MGLL: variants seen among roughly 807,000 people sequenced by gnomAD.
MGLL encodes monoglyceride lipase, also known as lysophospholipase homolog.
A neutral mutation model predicts 29.1 loss-of-function variants in MGLL; 7 were observed. The ratio of observed to expected loss-of-function variants is 0.24; its 90% confidence interval spans 0.14 to 0.45. The LOEUF (loss-of-function observed/expected upper bound fraction) is 0.45, where lower values mean the gene tolerates loss of function less well. MGLL is among the 20% of genes least tolerant of loss of function. The pLI is 0.99. For synonymous variants in MGLL, 148 were observed against 168.3 expected (o/e 0.88, Z 0.93); for missense variants, 356 against 413.6 (o/e 0.86, Z 1.21).
At position 127,761,820 on chromosome 3, in the gene MGLL, G is replaced by T. The variant is rs2076770277; in HGVS notation, c.262+19969C>A. The stretch of plus-strand genomic sequence containing the variant: ...TCCAGGCAGAGCTTCATTCTCAAAT[G>T]CCCAGACAAGCACTAAATATGCGTA... On this transcript the variant is annotated intron_variant, in intron 3 of 7. Coordinates refer to ENST00000265052, the MANE Select transcript of MGLL (RefSeq NM_007283.7). The surrounding 1 kb of genome is among the most constrained non-coding windows in gnomAD (Gnocchi z 4.6). Among the ~76,000 whole-genome samples the T allele has an allele frequency of 6.6e-6, 1 of 152,186 alleles. No individual in the cohort carries two copies. Among genetic ancestry groups the T allele is most frequent in the Non-Finnish European group, 1.5e-5 (1 of 68,034 alleles).
At chr3:127,822,677 G>T, upstream of MGLL, 1 of 312,026 alleles carries the variant, frequency 3.2e-6, no homozygotes, top group Non-Finnish European at 5.9e-6. Flanking sequence ...CCTCGCAGAC[G>T]CACAAATGCG....
At chr3:127,737,754 C>T (rs1172729672) in intron 3 of MGLL, among the ~76,000 whole-genome samples, 18 of 147,586 alleles carry the variant, frequency 1.2e-4, no homozygotes, top group African/African-American at 4.5e-4. Flanking sequence ...AAGCAACTCT[C>T]CTGCCTCAGC....
At chr3:127,742,840 A>G (rs2076369631) in intron 3 of MGLL, among the ~76,000 whole-genome samples, 2 of 152,234 alleles carry the variant, frequency 1.3e-5, no homozygotes, top group Non-Finnish European at 2.9e-5. Context: ...CGCTTGAGCC[A>G]TTTCTTGCTA....
intron 3 of MGLL, among the ~76,000 whole-genome samples, chr3:127,768,969 A>G (rs1576571991): frequency 6.6e-6 from 1 of 152,202 alleles, no homozygotes; most frequent in Non-Finnish European, 1.5e-5. Context: ...CACTTTGAGA[A>G]CCACTACCAT....
At chr3:127,722,821 C>T (rs778079173) in intron 3 of MGLL, among the ~76,000 whole-genome samples, 16 of 152,218 alleles carry the variant, frequency 1.1e-4, no homozygotes, top group Non-Finnish European at 2.2e-4. Flanking sequence ...GGTGTACCTA[C>T]TACAAAGGCT....
chr3:127,764,052 C>T (rs1195813127), intron 3 of MGLL, among the ~76,000 whole-genome samples: 1 of 152,172 alleles, frequency 6.6e-6, no homozygotes, highest in Non-Finnish European at 1.5e-5. Flanking sequence ...GCTGCAAATC[C>T]CCAATGCCCA....
chr3:127,721,012 G>A (rs747120928), intron 5 of MGLL, 41 bp downstream of exon 5: 2 of 1,553,776 alleles, frequency 1.3e-6, no homozygotes, highest in Non-Finnish European at 1.8e-6. Flanking sequence ...CCATGTCCCG[G>A]GGAACCTGTA....
intron 3 of MGLL, among the ~76,000 whole-genome samples, chr3:127,757,428 GTATATAA>G (rs1462641308): frequency 6.6e-6 from 1 of 152,160 alleles, no homozygotes; most frequent in Non-Finnish European, 1.5e-5. Context: ...CCCAGTGCCT[GTATATAA>G]TATATAATAC....
At chr3:127,755,064 C>T (rs1424432901) in intron 3 of MGLL, among the ~76,000 whole-genome samples, 1 of 152,098 alleles carries the variant, frequency 6.6e-6, no homozygotes, top group East Asian at 1.9e-4. Flanking sequence ...CGAGCTGTGG[C>T]ATCCCCGGGG....
rs142538723 is a variant in MGLL, at chr3:127,787,839, G to A, written c.156-5944C>T. ...TTTTATGACTTTAACAAATTTGACC[G>A]GCACGTCTGCCGTCCGGGCTGCGTG... On this transcript the variant is annotated intron_variant, in intron 2 of 7. Transcript: ENST00000265052. 2.3e-3 allele frequency among the ~76,000 whole-genome samples: 351 copies of A among 152,318 alleles called. 5 individuals are homozygous for A. The highest frequency in any genetic ancestry group is 7.2e-3 in the African/African-American group (300 of 41,564).
At chr3:127,741,760 G>A (rs2076345166) in intron 3 of MGLL, among the ~76,000 whole-genome samples, 2 of 152,234 alleles carry the variant, frequency 1.3e-5, no homozygotes, top group Non-Finnish European at 2.9e-5. Flanking sequence ...GATCGTGCAA[G>A]CAGGTCACTT....
chr3:127,813,765 C>A (rs983954971), intron 2 of MGLL, among the ~76,000 whole-genome samples: 4 of 152,134 alleles, frequency 2.6e-5, no homozygotes, highest in Non-Finnish European at 5.9e-5. Flanking sequence ...AGCCTATGAT[C>A]CATCTTCCTT....
intron 2 of MGLL, among the ~76,000 whole-genome samples, chr3:127,794,458 T>G (rs779377884): frequency 1.4e-4 from 21 of 152,204 alleles, no homozygotes. Context: ...GGATGTCTTA[T>G]ATGATGTAAG....
intron 5 of MGLL, among the ~76,000 whole-genome samples, chr3:127,716,276 T>C (rs1280879479): frequency 1.3e-5 from 2 of 152,248 alleles, no homozygotes; most frequent in African/African-American, 4.8e-5. Flanking sequence ...GATCTCAGTT[T>C]CTTCACCTGT....
At chr3:127,791,384 T>G (rs997815068) in intron 2 of MGLL, 2 of 152,260 alleles carry the variant, frequency 1.3e-5, no homozygotes, top group Non-Finnish European at 2.9e-5. Context: ...GAGAAGCATC[T>G]GCAGCCTCCA....
At chr3:127,721,313 G>A in intron 4 of MGLL, 150 bp from the exon 5 acceptor site, 1 of 657,768 alleles carries the variant, frequency 1.5e-6, no homozygotes, top group Non-Finnish European at 2.7e-6. Flanking sequence ...TCAAATGTTG[G>A]CTAAACTAGA....
chr3:127,710,116 T>C (rs918884303), intron 6 of MGLL, among the ~76,000 whole-genome samples: 3 of 152,178 alleles, frequency 2.0e-5, no homozygotes, highest in African/African-American at 7.2e-5. Context: ...AACCTGCTGG[T>C]GGCCCTCTTG....
chr3:127,819,880 G>C (rs2077827822), intron 2 of MGLL, among the ~76,000 whole-genome samples: 1 of 152,000 alleles, frequency 6.6e-6, no homozygotes, highest in Non-Finnish European at 1.5e-5. Flanking sequence ...GATCCAGCAA[G>C]CACAGGGTTA....
chr3:127,759,008 TG>T (rs1367466911), intron 3 of MGLL, among the ~76,000 whole-genome samples: 1 of 151,132 alleles, frequency 6.6e-6, no homozygotes, highest in Admixed American at 6.6e-5. Flanking sequence ...CTGCAACCTC[TG>T]CCTCCCAGGT....
Sources: gnomAD v4.1 joint callset for allele counts (sites outside exome capture counted in the v4.1 genomes callset) on GRCh38, gnomAD v4.1.1 for gene constraint, Gnocchi (gnomAD v3.1) non-coding constraint, MANE v1.5 for transcripts, NCBI Gene and HGNC (gene_info 2026-07-23, HGNC 2026-07-21) for gene names.